Variants in MAPKAP1 observed in about 807,000 individuals in gnomAD.
MAPKAP1 encodes target of rapamycin complex 2 subunit MAPKAP1.
A neutral mutation model predicts 65.7 loss-of-function variants in MAPKAP1; 20 were observed. The ratio of observed to expected loss-of-function variants is 0.30; its 90% CI spans 0.21 to 0.44. The LOEUF (loss-of-function observed/expected upper bound fraction) is 0.44. Ranked by LOEUF, MAPKAP1 falls within the 20% of genes least tolerant of loss-of-function variation. MAPKAP1 has a pLI of 1.00. For synonymous variants in MAPKAP1, 222 were observed against 244.3 expected, an observed-to-expected ratio of 0.91 and a Z score of 0.85; for missense variants, 423 against 648.0, an observed-to-expected ratio of 0.65 and a Z score of 3.77.
chr9:125,504,783 ACT>A lies in MAPKAP1; in HGVS notation c.1066+1525_1066+1526del, dbSNP rs1441373676. Among the ~76,000 whole-genome samples, 7 of 152,098 alleles carry A rather than the reference ACT, an allele frequency of 4.6e-5. No individual in the cohort carries two copies. In the South Asian group the frequency reaches 6.2e-4, roughly 14 times the overall value. ...ACTCCAGCCTGGGTGACAGAGCAAGACTCTGTCTCAAAAAAACCCCAAAACCA... is the reference window on the plus strand; with the variant it reads ...ACTCCAGCCTGGGTGACAGAGCAAGACTGTCTCAAAAAAACCCCAAAACCA... On this transcript the variant is annotated intron_variant, in intron 8 of 11. Coordinates refer to ENST00000265960, the MANE Select transcript of MAPKAP1 (RefSeq NM_001006617.3).
intron 1 of MAPKAP1, among the ~76,000 whole-genome samples, chr9:125,693,582 T>C (rs1165076131): frequency 2.0e-5 from 3 of 148,942 alleles, no homozygotes; most frequent in Non-Finnish European, 3.0e-5. Context: ...CACACACATA[T>C]ATACACGTAT....
chr9:125,510,801 G>A (rs1477863728), intron 7 of MAPKAP1, among the ~76,000 whole-genome samples: 1 of 152,190 alleles, frequency 6.6e-6, no homozygotes, highest in Non-Finnish European at 1.5e-5. Context: ...CACCTGAATA[G>A]TGGATATTTC....
intron 4 of MAPKAP1, among the ~76,000 whole-genome samples, chr9:125,643,053 C>A (rs760809742): frequency 1.4e-4 from 21 of 151,994 alleles, no homozygotes; most frequent in Admixed American, 1.3e-4. Flanking sequence ...GCACCTGCCA[C>A]CACGTCTGGC....
intron 7 of MAPKAP1, among the ~76,000 whole-genome samples, chr9:125,540,378 G>A (rs146982274): frequency 7.0e-4 from 106 of 152,312 alleles, no homozygotes; most frequent in African/African-American, 2.4e-3. Flanking sequence ...AAAGGTAAGA[G>A]AAGAGAAATG....
chr9:125,630,082 A>T (rs775745755), intron 4 of MAPKAP1, among the ~76,000 whole-genome samples: 1 of 152,154 alleles, frequency 6.6e-6, no homozygotes, highest in Non-Finnish European at 1.5e-5. Context: ...AAGTAGAAAC[A>T]TAACAGTCAA....
chr9:125,653,672 G>T (rs1833953719), intron 4 of MAPKAP1, among the ~76,000 whole-genome samples: 1 of 152,226 alleles, frequency 6.6e-6, no homozygotes, highest in South Asian at 2.1e-4. Flanking sequence ...TAAGTAGCTA[G>T]ACTGAAGTCA....
At chr9:125,540,429 G>C (rs1225926960) in intron 7 of MAPKAP1, among the ~76,000 whole-genome samples, 1 of 152,208 alleles carries the variant, frequency 6.6e-6, no homozygotes, top group Non-Finnish European at 1.5e-5. Flanking sequence ...CCTATCAAAG[G>C]ATTTCTGAAA....
At chr9:125,676,836 G>A (rs533414053) in intron 1 of MAPKAP1, among the ~76,000 whole-genome samples, 5 of 152,120 alleles carry the variant, frequency 3.3e-5, no homozygotes, top group Non-Finnish European at 5.9e-5. Flanking sequence ...AAAAGTCTAG[G>A]AAACACCAGA....
intron 4 of MAPKAP1, among the ~76,000 whole-genome samples, chr9:125,639,689 G>A (rs767316434): frequency 6.6e-6 from 1 of 152,142 alleles, no homozygotes; most frequent in Non-Finnish European, 1.5e-5. Flanking sequence ...GATGAGGCAA[G>A]GAAATGTTAC....
Position 125,595,753 on chromosome 9 carries a change from C to T in MAPKAP1, c.499-10026G>A. 1 of 1,367,316 alleles carries T rather than the reference C, an allele frequency of 7.3e-7. No individual in the cohort carries two copies. The highest frequency in any genetic ancestry group is 1.0e-6 in the Non-Finnish European group (1 of 974,542). 84.7% of individuals were successfully genotyped at this position (1,367,316 alleles called of 1,614,324 possible). A position where few individuals can be genotyped will look rare whatever the true frequency, so the allele number is the denominator to read the frequency against. ...TGAGCTTTGAAACAACCAATGAGAG[C>T]AAGAGGAGCCATTGTGAGCAATGGG... On this transcript the variant is annotated intron_variant, in intron 4 of 11. Transcript: ENST00000265960. The surrounding 1 kb of genome is among the most constrained non-coding windows in gnomAD (Gnocchi z 4.0).
intron 3 of MAPKAP1, among the ~76,000 whole-genome samples, chr9:125,662,466 G>A (rs1408211114): frequency 2.0e-5 from 3 of 152,196 alleles, no homozygotes; most frequent in Admixed American, 6.5e-5. Flanking sequence ...GGTGGATCAC[G>A]AGGTCAGAAA....
intron 5 of MAPKAP1, chr9:125,572,817 C>T (rs960774921): frequency 1.3e-5 from 2 of 152,174 alleles, no homozygotes; most frequent in Non-Finnish European, 2.9e-5. Flanking sequence ...GAATATACTG[C>T]TGTTATACTC....
intron 4 of MAPKAP1, among the ~76,000 whole-genome samples, chr9:125,615,193 TAAC>T (rs1311012197): frequency 1.3e-5 from 2 of 152,066 alleles, no homozygotes; most frequent in Non-Finnish European, 1.5e-5. Flanking sequence ...TGAATCAATC[TAAC>T]AACAATGACA....
At chr9:125,466,327 G>A (rs946984064) in intron 10 of MAPKAP1, among the ~76,000 whole-genome samples, 2 of 152,062 alleles carry the variant, frequency 1.3e-5, no homozygotes, top group African/African-American at 4.8e-5. Context: ...TGAGGAACAC[G>A]GTTTAAAAAG....
chr9:125,440,238 A>G (rs1852430557), intron 11 of MAPKAP1, among the ~76,000 whole-genome samples: 1 of 152,204 alleles, frequency 6.6e-6, no homozygotes, highest in Non-Finnish European at 1.5e-5. Flanking sequence ...TCTTCACAAT[A>G]ATCTTGAGAC....
chr9:125,693,711 A>ACG lies in MAPKAP1; in HGVS notation c.-70+13259_-70+13260insCG, dbSNP rs1564620306. Among the ~76,000 whole-genome samples, 30 of 46,124 alleles carry ACG rather than the reference A, an allele frequency of 6.5e-4. 1 individual carries two copies. Among genetic ancestry groups the ACG allele is most frequent in the African/African-American group, 3.3e-3 (29 of 8,768 alleles). The allele number at this position is 46,124 out of a possible 152,430, so 30.3% of individuals were successfully genotyped here. A position where few individuals can be genotyped will look rare whatever the true frequency, so the allele number is the denominator to read the frequency against. ...CGTATATATACACGTATATATACAC[A>ACG]TATATACACGTATATACACATATAT... On this transcript the variant is annotated intron_variant, in intron 1 of 11. Transcript: ENST00000265960.
chr9:125,669,790 A>C, intron 3 of MAPKAP1, 28 bp downstream of exon 3: 1 of 1,197,134 alleles, frequency 8.4e-7, no homozygotes, highest in South Asian at 1.4e-5. Context: ...TAAATCTCAA[A>C]TTAAGAATTA....
At chr9:125,644,356 T>TG (rs1833665800) in intron 4 of MAPKAP1, among the ~76,000 whole-genome samples, 2 of 151,978 alleles carry the variant, frequency 1.3e-5, no homozygotes, top group African/African-American at 2.4e-5. Flanking sequence ...TAAGAGTCCT[T>TG]GAAAAAAAAA....
chr9:125,554,189 A>G (rs1229215555), intron 6 of MAPKAP1, among the ~76,000 whole-genome samples: 1 of 152,172 alleles, frequency 6.6e-6, no homozygotes, highest in Non-Finnish European at 1.5e-5. Context: ...CTGAACAGAG[A>G]AAAATGGTGA....
Sources: allele counts gnomAD v4.1 joint callset (sites outside exome capture counted in the v4.1 genomes callset), GRCh38; gene constraint gnomAD v4.1.1; non-coding constraint Gnocchi (gnomAD v3.1); transcripts MANE v1.5; gene names NCBI Gene and HGNC (gene_info 2026-07-23, HGNC 2026-07-21).